Variants in TRIP12 observed in about 807,000 individuals in gnomAD.
TRIP12 encodes E3 ubiquitin-protein ligase TRIP12.
Under a neutral mutation model 244.2 loss-of-function variants are expected in TRIP12, and 25 were observed. The ratio of observed to expected loss-of-function variants is 0.10; its 90% CI spans 0.07 to 0.14. TRIP12 has a LOEUF of 0.14. Among genes scored for constraint, TRIP12 ranks in the 10% least tolerant of loss-of-function variants. TRIP12 has a pLI of 1.00. For synonymous variants in TRIP12, 905 were observed against 873.1 expected (o/e 1.04, Z -0.64); for missense variants, 1,677 against 2,486.4 (o/e 0.67, Z 6.92).
At chr2:229,844,624 A>C (rs921041638) in intron 4 of TRIP12, among the ~76,000 whole-genome samples, 2 of 152,218 alleles carry the variant, frequency 1.3e-5, no homozygotes, top group Non-Finnish European at 2.9e-5. Context: ...AGCTTCTTCA[A>C]GATTCCTTCT....
chr2:229,851,756 C>G (rs892318395), intron 4 of TRIP12, among the ~76,000 whole-genome samples: 1 of 151,998 alleles, frequency 6.6e-6, no homozygotes, highest in African/African-American at 2.4e-5. Flanking sequence ...TAACACTCAC[C>G]GCGCAGCTTC....
Position 229,792,081 on chromosome 2 carries a change from CA to C in TRIP12, c.4216-17del. The C allele has an allele frequency of 6.2e-7, 1 of 1,613,938 alleles. No homozygotes were observed. Among genetic ancestry groups the C allele is most frequent in the Non-Finnish European group, 8.5e-7 (1 of 1,179,930 alleles). ...ACTGAGCAGCCTGAATAAAGCAAAGCAAAAGCCATTTAAGCCAAAGGCCCTG... is the reference window on the plus strand; with the variant it reads ...ACTGAGCAGCCTGAATAAAGCAAAGCAAAGCCATTTAAGCCAAAGGCCCTG... On this transcript the variant is annotated splice_polypyrimidine_tract_variant and intron_variant, in intron 28 of 41. Transcript: ENST00000675903.
At chr2:229,880,976 T>C (rs1284129519) in intron 1 of TRIP12, among the ~76,000 whole-genome samples, 1 of 152,096 alleles carries the variant, frequency 6.6e-6, no homozygotes, top group Non-Finnish European at 1.5e-5. Flanking sequence ...ATTGTAAAAC[T>C]ATAGTATCTT....
At chr2:229,885,103 A>G (rs2065745079) in intron 1 of TRIP12, among the ~76,000 whole-genome samples, 2 of 152,208 alleles carry the variant, frequency 1.3e-5, no homozygotes, top group Admixed American at 6.5e-5. Context: ...CTATGTTTGG[A>G]TATTTTTAGA....
chr2:229,786,033 G>A (rs2039892896), intron 33 of TRIP12, among the ~76,000 whole-genome samples, 178 bp from the exon 34 acceptor site: 1 of 152,134 alleles, frequency 6.6e-6, no homozygotes, highest in Non-Finnish European at 1.5e-5. Flanking sequence ...AATATCAACA[G>A]CACCCTGGCA....
Position 229,793,016 on chromosome 2 carries a change from A to G in TRIP12, c.4098T>C (p.Pro1366=). ...TCTCGATGGCTTGTACCAAAGCCAG[A>G]GGGTCAATCTTGACAGGTCCACCCT... ...QWKGGPVKID[P]LALVQAIERY... Residue 1366 remains proline (P), a synonymous_variant, in exon 27 of 42, where the codon CCT becomes CCC. Transcript: ENST00000675903. The G allele has an allele frequency of 6.2e-7, 1 of 1,613,930 alleles. No individual in the cohort carries two copies. The highest frequency in any genetic ancestry group is 8.5e-7 in the Non-Finnish European group (1 of 1,179,870).
intron 1 of TRIP12, among the ~76,000 whole-genome samples, chr2:229,894,935 A>G (rs2068382894): frequency 5.3e-5 from 8 of 152,238 alleles, no homozygotes. Flanking sequence ...GACAAGAGCA[A>G]AGTAAACCTT....
intron 11 of TRIP12, 51 bp from the exon 12 acceptor site, chr2:229,814,376 A>T: frequency 6.4e-7 from 1 of 1,554,656 alleles, no homozygotes; most frequent in Non-Finnish European, 8.9e-7. Flanking sequence ...GTTCTTTCCC[A>T]ATAACTTATC....
At chr2:229,868,723 A>C (rs148797675) in intron 2 of TRIP12, among the ~76,000 whole-genome samples, 2 of 152,350 alleles carry the variant, frequency 1.3e-5, no homozygotes, top group African/African-American at 4.8e-5. Flanking sequence ...CCGGTTAAAC[A>C]GACGAATGAA....
intron 1 of TRIP12, among the ~76,000 whole-genome samples, chr2:229,886,397 A>G (rs1343081964): frequency 6.6e-6 from 1 of 152,176 alleles, no homozygotes; most frequent in Non-Finnish European, 1.5e-5. Flanking sequence ...TTAGGCACTG[A>G]ATGCAATTTA....
chr2:229,816,240 A>G (rs191693043), intron 9 of TRIP12, among the ~76,000 whole-genome samples: 1 of 152,194 alleles, frequency 6.6e-6, no homozygotes, highest in East Asian at 1.9e-4. Context: ...AAGTATACCT[A>G]CATACCAGAA....
intron 4 of TRIP12, among the ~76,000 whole-genome samples, chr2:229,853,609 A>G (rs2059110987): frequency 1.3e-5 from 2 of 152,152 alleles, no homozygotes; most frequent in South Asian, 4.1e-4. Flanking sequence ...GTGAGCAGAG[A>G]TCACACCACT....
chr2:229,870,608 A>G (rs1286592376), intron 2 of TRIP12, among the ~76,000 whole-genome samples: 1 of 152,250 alleles, frequency 6.6e-6, no homozygotes, highest in East Asian at 1.9e-4. Flanking sequence ...GGTCTAGAAT[A>G]CAGAAGGCAA....
At chr2:229,883,916 C>T (rs1314582396) in intron 1 of TRIP12, among the ~76,000 whole-genome samples, 1 of 152,060 alleles carries the variant, frequency 6.6e-6, no homozygotes, top group Non-Finnish European at 1.5e-5. Flanking sequence ...CGAGACCACC[C>T]TGGCCAACAT....
At chr2:229,914,614 TTTAAA>T (rs1245239003) in intron 1 of TRIP12, among the ~76,000 whole-genome samples, 1 of 152,208 alleles carries the variant, frequency 6.6e-6, no homozygotes. Flanking sequence ...GTATAAAATC[TTTAAA>T]TTAAGTTCAT....
chr2:229,840,702 AAAAAC>A, intron 5 of TRIP12, 115 bp downstream of exon 5: 9 of 794,234 alleles, frequency 1.1e-5, no homozygotes, highest in South Asian at 2.2e-5. Context: ...GACTCCGTCA[AAAAAC>A]AAAACAAAAC....
chr2:229,799,146 CTG>C, intron 22 of TRIP12, 97 bp from the exon 23 acceptor site: 1 of 1,534,440 alleles, frequency 6.5e-7, no homozygotes, highest in South Asian at 1.2e-5. Context: ...GATTAATTAA[CTG>C]AAAGAACTAA....
At chr2:229,902,800 TGAAACAGAGAAAA>T (rs1203426799) in intron 1 of TRIP12, among the ~76,000 whole-genome samples, 1 of 152,124 alleles carries the variant, frequency 6.6e-6, no homozygotes, top group Non-Finnish European at 1.5e-5. Flanking sequence ...AACTTTCAAA[TGAAACAGAGAAAA>T]GAAAATAGAG....
Position 229,829,234 on chromosome 2 carries a change from C to T in TRIP12, c.1409G>A (p.Arg470Gln), listed in dbSNP as rs199893260. The T allele has an allele frequency of 7.4e-6, 12 of 1,613,916 alleles. No individual in the cohort carries two copies. Among genetic ancestry groups the T allele is most frequent in the Non-Finnish European group, 9.3e-6 (11 of 1,179,948 alleles). ...PPHLFGPLGP[R>Q]MSQLFHRTIG... is the part of the protein sequence containing the mutation. ...TGTTCTATGGAAAAGCTGTGACATCCGAGGACCAAGAGGACCAAATAGGTG... is the reference window on the plus strand; with the variant it reads ...TGTTCTATGGAAAAGCTGTGACATCTGAGGACCAAGAGGACCAAATAGGTG... Residue 470 changes from arginine to glutamine, a missense_variant, in exon 8 of 42, where the codon CGG becomes CAG. Around this residue, in one of 11 missense-constraint regions of TRIP12, gnomAD observed 143 missense variants for 215.6 expected, o/e 0.66. Transcript: ENST00000675903.
Sources: gnomAD v4.1 joint callset for allele counts (sites outside exome capture counted in the v4.1 genomes callset) on GRCh38, gnomAD v4.1.1 for gene constraint, gnomAD v4.1.1 regional missense constraint, MANE v1.5 for transcripts, NCBI Gene and HGNC (gene_info 2026-07-23, HGNC 2026-07-21) for gene names.